HSD17B13: variants seen among roughly 807,000 people sequenced by gnomAD.
HSD17B13 encodes hydroxysteroid 17-beta dehydrogenase 13, also known as 17-beta-hydroxysteroid dehydrogenase 13.
HSD17B13 carries 26 observed loss-of-function variants against 31.1 expected under a neutral mutation model. The observed-to-expected ratio is 0.84, with a 90% CI of 0.61 to 1.16. The LOEUF is 1.16. Among genes scored for constraint, HSD17B13 ranks in the 50% most tolerant of loss-of-function variants. The pLI, the probability that HSD17B13 is intolerant of heterozygous loss-of-function variation, is 0.00. For missense variants in HSD17B13, 374 were observed against 366.5 expected, an observed-to-expected ratio of 1.02 and a Z score of -0.17; for synonymous variants, 141 against 133.7, an observed-to-expected ratio of 1.05 and a Z score of -0.38.
At chr4:87,321,309 G>T (rs971174079) in intron 1 of HSD17B13, among the ~76,000 whole-genome samples, 1 of 152,098 alleles carries the variant, frequency 6.6e-6, no homozygotes, top group African/African-American at 2.4e-5. Context: ...GGGATTACAG[G>T]TGTGAGCCAC....
Position 87,318,269 on chromosome 4 carries a change from C to G in HSD17B13, c.318+60G>C, listed in dbSNP as rs961933825. 12 of 1,278,934 alleles carry G rather than the reference C, an allele frequency of 9.4e-6. 1 individual carries two copies. Among genetic ancestry groups the G allele is most frequent in the South Asian group, 5.9e-5 (5 of 84,056 alleles). 79.2% of individuals were successfully genotyped at this position (1,278,934 alleles called of 1,614,324 possible). ...CAGTCATAAAGACCTTTCTCATTTT[C>G]CACGTCAGCGTCCTAGGAAACAAAA... On this transcript the variant is annotated intron_variant, in intron 2 of 6. Transcript: ENST00000328546.
intron 5 of HSD17B13, among the ~76,000 whole-genome samples, chr4:87,311,370 C>T (rs780649516): frequency 6.6e-6 from 1 of 152,084 alleles, no homozygotes; most frequent in Admixed American, 6.6e-5. Flanking sequence ...GGCCTTGCCC[C>T]GAATTATTTC....
At position 87,305,298 on chromosome 4, in the gene HSD17B13, C is replaced by T; in HGVS notation, c.823G>A (p.Glu275Lys). The T allele has an allele frequency of 6.2e-7, 1 of 1,600,320 alleles. No homozygotes were observed. The highest frequency in any genetic ancestry group is 8.5e-7 in the Non-Finnish European group (1 of 1,175,860). ...IFLRLQKFLPERASAILNRMQ... is the reference protein window; with the variant it reads ...IFLRLQKFLPKRASAILNRMQ... ...CGATTTAAAATCGCTGAGGCGCGTT[C>T]AGGAAGAAACCTGTACAAAAAAGAA... Residue 275 changes from glutamate (E) to lysine (K), a missense_variant, in exon 7 of 7, where the codon GAA (glutamate) becomes AAA (lysine). Coordinates refer to ENST00000328546, the MANE Select transcript of HSD17B13 (RefSeq NM_178135.5).
At chr4:87,320,118 A>C (rs1364382022) in intron 1 of HSD17B13, among the ~76,000 whole-genome samples, 1 of 152,144 alleles carries the variant, frequency 6.6e-6, no homozygotes, top group Non-Finnish European at 1.5e-5. Context: ...CTGTAGGCTA[A>C]ACCCTGGAGC....
chr4:87,313,987 A>G (rs1184515810), intron 4 of HSD17B13, 27 bp from the exon 5 acceptor site: 1 of 1,476,670 alleles, frequency 6.8e-7, no homozygotes, highest in African/African-American at 1.4e-5. Flanking sequence ...AAGCATTGTT[A>G]GCTAAGGGAG....
rs1394249568 is a variant in HSD17B13, at chr4:87,317,132, ATCTCTTCATCC to A, written c.399_409del (p.Lys133AsnfsTer6). Reference sequence around the variant, plus strand: ...GATGTTGACCTCAAATGTCTTGGTAATCTCTTCATCCTTGGTGCTGAGAAGATCGGCTGGAT... The same window carrying A: ...GATGTTGACCTCAAATGTCTTGGTAATTGGTGCTGAGAAGATCGGCTGGAT... On this transcript the variant is annotated frameshift_variant, in exon 3 of 7. Coordinates refer to ENST00000328546, the MANE Select transcript of HSD17B13 (RefSeq NM_178135.5). LOFTEE classifies it high-confidence loss of function. 6.2e-7 allele frequency: 1 copy of A among 1,614,096 alleles called. No homozygotes were observed. Among genetic ancestry groups the A allele is most frequent in the Non-Finnish European group, 8.5e-7 (1 of 1,179,960 alleles).
rs1347372893 is a variant in HSD17B13 at position 87,304,603 on chromosome 4, A to AT, written c.*614dup. On this transcript the variant is annotated 3_prime_UTR_variant, in exon 7 of 7. Transcript: ENST00000328546. ...ATAAGACTATAAAAAGGGAGGAAAT[A>AT]TAGAGGGTCCACTTTTGGTGGACTT... 3 of 152,250 alleles carry AT rather than the reference A, an allele frequency of 2.0e-5. No individual in the cohort carries two copies. Among genetic ancestry groups the AT allele is most frequent in the Non-Finnish European group, 4.4e-5 (3 of 68,048 alleles). 9.4% of individuals were successfully genotyped at this position (152,250 alleles called of 1,614,324 possible).
rs1404804620 is a variant in HSD17B13, at chr4:87,315,566, T to G, written c.484A>C (p.Arg162=). Residue 162 remains arginine (R), a synonymous_variant, in exon 4 of 7, where the codon AGA becomes CGA. Coordinates refer to ENST00000328546, the MANE Select transcript of HSD17B13 (RefSeq NM_178135.5). ...ACTGTGACGATGTGGCCATGATTTC[T>G]CTCCATCATCGATGGAAGAAGTGCT... is the stretch of plus-strand genomic sequence containing the variant. The part of the protein sequence containing the change: ...TKALLPSMME[R]NHGHIVTVAS... The G allele has an allele frequency of 1.2e-6, 2 of 1,610,234 alleles. No homozygotes were observed. Among genetic ancestry groups the G allele is most frequent in the African/African-American group, 1.3e-5 (1 of 74,896 alleles).
intron 6 of HSD17B13, among the ~76,000 whole-genome samples, chr4:87,307,522 A>T (rs1045674812): frequency 2.0e-5 from 3 of 152,046 alleles, no homozygotes; most frequent in African/African-American, 7.2e-5. Context: ...TTTTTAAAAA[A>T]TTTATTTTTC....
In HSD17B13 at chr4:87,303,982, C is replaced by T. The variant is rs1734324483; in HGVS notation, c.*1236G>A. 6.6e-6 allele frequency: 1 copy of T among 151,488 alleles called. No homozygotes were observed. Among genetic ancestry groups the T allele is most frequent in the Non-Finnish European group, 1.5e-5 (1 of 67,958 alleles). 9.4% of individuals were successfully genotyped at this position (151,488 alleles called of 1,614,324 possible). A position where few individuals can be genotyped will look rare whatever the true frequency, so the allele number is the denominator to read the frequency against. ...GAAAAACACACAAAACAAGATTAGTCTTGATGTAGTGGGAGTCGGATTATT... is the reference window on the plus strand; with the variant it reads ...GAAAAACACACAAAACAAGATTAGTTTTGATGTAGTGGGAGTCGGATTATT... On this transcript the variant is annotated 3_prime_UTR_variant, in exon 7 of 7. Transcript: ENST00000328546.
Position 87,318,388 on chromosome 4 carries a change from C to T in HSD17B13, c.259G>A (p.Ala87Thr). 1.2e-6 allele frequency: 2 copies of T among 1,614,238 alleles called. No individual in the cohort carries two copies. Among genetic ancestry groups the T allele is most frequent in the Non-Finnish European group, 1.7e-6 (2 of 1,180,030 alleles). ...AAECRKLGVT[A>T]HAYVVDCSNR... ...CTGCAGTCTACCACATACGCATGCG[C>T]AGTGACGCCTAGTTTTCGGCACTCA... is the stretch of plus-strand genomic sequence containing the variant. The change falls in exon 2 of 7, where the codon GCG (alanine) becomes ACG (threonine). Residue 87 changes from alanine to threonine, a missense_variant. By Grantham distance (58) the Ala-to-Thr change is moderately conservative (BLOSUM62 0). Transcript: ENST00000328546.
chr4:87,305,368 T>A (rs538113119), intron 6 of HSD17B13, 60 bp from the exon 7 acceptor site: 1 of 1,169,408 alleles, frequency 8.6e-7, no homozygotes, highest in Non-Finnish European at 1.2e-6. Flanking sequence ...GACAACAGAG[T>A]TCTGTTTTTG....
chr4:87,310,380 ATAT>A lies in HSD17B13; in HGVS notation c.696-24_696-22del, dbSNP rs746296189. On this transcript the variant is annotated intron_variant, in intron 5 of 6. Coordinates refer to ENST00000328546, the MANE Select transcript of HSD17B13 (RefSeq NM_178135.5). ...ATAATCTGTGATTAAAAAGAGGAAA[ATAT>A]TATTTTTATTTTCTAAAATTTTAAT... The A allele has an allele frequency of 4.3e-5, 59 of 1,386,682 alleles. No homozygotes were observed. In the African/African-American group the frequency reaches 5.0e-4, roughly 12 times the overall value. The allele number at this position is 1,386,682 out of a possible 1,614,324, so 85.9% of individuals were successfully genotyped here.
chr4:87,306,511 G>A (rs1734391511), intron 6 of HSD17B13, among the ~76,000 whole-genome samples: 1 of 152,096 alleles, frequency 6.6e-6, no homozygotes, highest in Non-Finnish European at 1.5e-5. Context: ...TAGAATTAAG[G>A]GCTATAACTG....
chr4:87,314,174 T>C (rs887470497), intron 4 of HSD17B13, among the ~76,000 whole-genome samples: 2 of 151,802 alleles, frequency 1.3e-5, no homozygotes, highest in African/African-American at 2.4e-5. Context: ...ACAACAATGA[T>C]AACAAAAGAA....
chr4:87,307,533 C>T (rs942120291), intron 6 of HSD17B13, among the ~76,000 whole-genome samples: 8 of 151,920 alleles, frequency 5.3e-5, no homozygotes, highest in Non-Finnish European at 1.0e-4. Flanking sequence ...TTTATTTTTC[C>T]GAGACAGAGT....
At chr4:87,320,562 T>G (rs1426638680) in intron 1 of HSD17B13, among the ~76,000 whole-genome samples, 1 of 151,990 alleles carries the variant, frequency 6.6e-6, no homozygotes, top group African/African-American at 2.4e-5. Context: ...AATTTTTTTG[T>G]ATTTTTAGTA....
chr4:87,318,787 G>GA (rs1055169320), intron 1 of HSD17B13, among the ~76,000 whole-genome samples: 21 of 131,492 alleles, frequency 1.6e-4, no homozygotes, highest in African/African-American at 5.4e-4. Flanking sequence ...AACAGAGTGA[G>GA]ACTCTGTCTC....
Position 87,317,133 on chromosome 4 carries a change from T to C in HSD17B13, c.409A>G (p.Ile137Val), listed in dbSNP as rs1197059824. The change falls in exon 3 of 7, where the codon ATT (isoleucine) becomes GTT (valine). Residue 137 changes from isoleucine to valine, a missense_variant. Ile to Val is a conservative substitution (Grantham distance 29). Coordinates refer to ENST00000328546, the MANE Select transcript of HSD17B13 (RefSeq NM_178135.5). ...ATGTTGACCTCAAATGTCTTGGTAA[T>C]CTCTTCATCCTTGGTGCTGAGAAGA... The part of the protein sequence containing the change: ...ADLLSTKDEE[I>V]TKTFEVNILG... The C allele has an allele frequency of 1.2e-6, 2 of 1,613,980 alleles. No homozygotes were observed. The highest frequency in any genetic ancestry group is 1.7e-6 in the Non-Finnish European group (2 of 1,179,958).
Sources: allele counts gnomAD v4.1 joint callset (sites outside exome capture counted in the v4.1 genomes callset), GRCh38; gene constraint gnomAD v4.1.1; transcripts MANE v1.5; gene names NCBI Gene and HGNC (gene_info 2026-07-23, HGNC 2026-07-21).